MTOR: variants seen among roughly 807,000 people sequenced by gnomAD.
The protein encoded by MTOR is serine/threonine-protein kinase mTOR.
In MTOR, 70 loss-of-function variants were observed where a neutral mutation model predicts 319.8. That is an observed-to-expected ratio of 0.22 (90% CI 0.18 to 0.27). The LOEUF (loss-of-function observed/expected upper bound fraction) is 0.27, where lower values mean the gene tolerates loss of function less well. MTOR is among the 10% of genes least tolerant of loss of function. MTOR has a pLI of 1.00. For missense variants in MTOR, 1,890 were observed against 3,274.4 expected, an observed-to-expected ratio of 0.58 and a Z score of 10.32; for synonymous variants, 1,183 against 1,211.4, an observed-to-expected ratio of 0.98 and a Z score of 0.49.
chr1:11,231,013 G>A lies in MTOR; in HGVS notation c.2691C>T (p.Tyr897=), dbSNP rs2100866252. The A allele has an allele frequency of 6.2e-7, 1 of 1,614,118 alleles. No individual in the cohort carries two copies. Among genetic ancestry groups the A allele is most frequent in the Non-Finnish European group, 8.5e-7 (1 of 1,180,014 alleles). Reference sequence around the variant, plus strand: ...TCATGCCAATGTTCACTTTGTGCTTGTAAGGATCCAAAGCCCCTAAAAGCC... The same window carrying A: ...TCATGCCAATGTTCACTTTGTGCTTATAAGGATCCAAAGCCCCTAAAAGCC... ...VLGLLGALDP[Y]KHKVNIGMID... is the part of the protein sequence containing the mutation. Residue 897 remains tyrosine, a synonymous_variant, in exon 18 of 58, where the codon TAC becomes TAT. Coordinates refer to ENST00000361445, the MANE Select transcript of MTOR (RefSeq NM_004958.4).
chr1:11,210,780 AGGGACT>A, intron 24 of MTOR, 28 bp downstream of exon 24: 2 of 1,454,298 alleles, frequency 1.4e-6, no homozygotes. Context: ...TAAAGACAAC[AGGGACT>A]TCAGAACAGA....
chr1:11,142,303 T>A (rs939811927), intron 34 of MTOR, among the ~76,000 whole-genome samples: 2 of 152,026 alleles, frequency 1.3e-5, no homozygotes, highest in African/African-American at 2.4e-5. Flanking sequence ...CTCCTTTTTT[T>A]TTGGAGATGG....
At chr1:11,218,412 A>T (rs1646548940) in intron 19 of MTOR, among the ~76,000 whole-genome samples, 1 of 151,944 alleles carries the variant, frequency 6.6e-6, no homozygotes, top group African/African-American at 2.4e-5. Flanking sequence ...CCTGGGCGAC[A>T]GGGCGAGACT....
intron 30 of MTOR, among the ~76,000 whole-genome samples, chr1:11,151,580 G>A (rs72871462): frequency 0.059 from 8,996 of 152,310 alleles, 377 homozygotes; most frequent in South Asian, 0.12. Flanking sequence ...ACTCAGTAGT[G>A]CTGGGATAGG....
At chr1:11,258,003 G>A (rs112873710) in intron 3 of MTOR, among the ~76,000 whole-genome samples, 5 of 152,048 alleles carry the variant, frequency 3.3e-5, no homozygotes, top group African/African-American at 4.8e-5. Flanking sequence ...CCAGCTACTC[G>A]GGAGGCTGAG....
At chr1:11,126,345 A>G (rs1642836781) in intron 46 of MTOR, among the ~76,000 whole-genome samples, 1 of 152,102 alleles carries the variant, frequency 6.6e-6, no homozygotes, top group African/African-American at 2.4e-5. Flanking sequence ...AGTCTCCAAC[A>G]CCTGCCTTCC....
intron 8 of MTOR, 137 bp downstream of exon 8, chr1:11,247,488 T>C (rs955035207): frequency 1.8e-5 from 13 of 727,092 alleles, no homozygotes; most frequent in South Asian, 5.3e-5. Context: ...CTAAATAGCA[T>C]TGAAATTGGA....
intron 49 of MTOR, among the ~76,000 whole-genome samples, chr1:11,117,315 C>T (rs1426125453): frequency 6.6e-6 from 1 of 152,130 alleles, no homozygotes; most frequent in Admixed American, 6.5e-5. Context: ...CACCCGCCAC[C>T]ATGCCCAGCT....
Position 11,167,423 on chromosome 1 carries a change from A to G in MTOR, c.4329+19T>C. 3.1e-6 allele frequency: 5 copies of G among 1,610,166 alleles called. No homozygotes were observed. The highest frequency in any genetic ancestry group is 1.3e-5 in the African/African-American group (1 of 74,928). ...CAAGTCTCTACCTCCTGCTTTTCCAAAAAGAATGAGGTGCTTACCAGCTCT... is the reference window on the plus strand; with the variant it reads ...CAAGTCTCTACCTCCTGCTTTTCCAGAAAGAATGAGGTGCTTACCAGCTCT... On this transcript the variant is annotated intron_variant, in intron 29 of 57. Coordinates refer to ENST00000361445, the MANE Select transcript of MTOR (RefSeq NM_004958.4).
Position 11,241,685 on chromosome 1 carries a change from T to A in MTOR, c.1413-4A>T, listed in dbSNP as rs773756865. The A allele has an allele frequency of 2.5e-6, 4 of 1,610,856 alleles. No individual in the cohort carries two copies. In the African/African-American group the frequency reaches 5.3e-5, roughly 22 times the overall value. On this transcript the variant is annotated splice_region_variant and splice_polypyrimidine_tract_variant and intron_variant, in intron 9 of 57. Coordinates refer to ENST00000361445, the MANE Select transcript of MTOR (RefSeq NM_004958.4). Reference sequence around the variant, plus strand: ...CACCTGCATTGCCTTCTGCCTCCTGTAGAGAAATGGAGAGTGGCTAGTTGA... The same window carrying A: ...CACCTGCATTGCCTTCTGCCTCCTGAAGAGAAATGGAGAGTGGCTAGTTGA...
rs6692622 is a variant in MTOR at position 11,199,794 on chromosome 1, C to T, written c.3945-91G>A. 1 of 1,429,672 alleles carries T rather than the reference C, an allele frequency of 7.0e-7. No homozygotes were observed. The highest frequency in any genetic ancestry group is 1.4e-5 in the African/African-American group (1 of 71,588). The allele number at this position is 1,429,672 out of a possible 1,614,324, so 88.6% of individuals were successfully genotyped here. ...ACCTATCAATTCGCTTTTGGCATCA[C>T]TGATTTTGGTTATACAAACCAGTGC... On this transcript the variant is annotated intron_variant, in intron 26 of 57. Transcript: ENST00000361445. The surrounding 1 kb of genome is among the most constrained non-coding windows in gnomAD (Gnocchi z 4.5).
chr1:11,118,228 ATTTTTTTTTTTTTT>A (rs771785403), intron 49 of MTOR, among the ~76,000 whole-genome samples: 2,279 of 120,772 alleles, frequency 0.019, 41 homozygotes, highest in Non-Finnish European at 0.028. Flanking sequence ...AACTTAGTTA[ATTTTTTTTTTTTTT>A]TTTTTTTTTT....
chr1:11,259,894 C>T (rs1455851195), intron 1 of MTOR, among the ~76,000 whole-genome samples: 1 of 152,168 alleles, frequency 6.6e-6, no homozygotes, highest in Non-Finnish European at 1.5e-5. Context: ...CCTGCCACTG[C>T]ACTGTCTCAA....
At chr1:11,236,263 A>T (rs1647220573) in intron 13 of MTOR, among the ~76,000 whole-genome samples, 1 of 150,590 alleles carries the variant, frequency 6.6e-6, no homozygotes, top group Admixed American at 6.6e-5. Flanking sequence ...CAGCCTCCTG[A>T]GTAGCTAGGA....
At chr1:11,174,415 AT>A (rs1373687077) in intron 28 of MTOR, among the ~76,000 whole-genome samples, 1 of 152,054 alleles carries the variant, frequency 6.6e-6, no homozygotes, top group East Asian at 1.9e-4. Flanking sequence ...CCCATCTCAC[AT>A]TTTTTATTTC....
In MTOR at chr1:11,231,094, AC is replaced by A. The variant is rs753474117; in HGVS notation, c.2650-41del. 26 of 1,613,860 alleles carry A rather than the reference AC, an allele frequency of 1.6e-5. No individual in the cohort carries two copies. In the Admixed American group the frequency reaches 4.2e-4, roughly 26 times the overall value. ...GGAGGGAAAAAAGAAAACATTCATC[AC>A]AACATGATTACAACAAGTATCACGG... On this transcript the variant is annotated intron_variant, in intron 17 of 57. Coordinates refer to ENST00000361445, the MANE Select transcript of MTOR (RefSeq NM_004958.4).
intron 28 of MTOR, among the ~76,000 whole-genome samples, chr1:11,184,727 T>C (rs909186525): frequency 6.6e-6 from 1 of 151,888 alleles, no homozygotes; most frequent in Admixed American, 6.6e-5. Flanking sequence ...AATGAGACTA[T>C]GTCTCTAAAA....
intron 10 of MTOR, 98 bp downstream of exon 10, chr1:11,241,455 G>T: frequency 7.0e-7 from 1 of 1,425,902 alleles, no homozygotes; most frequent in Non-Finnish European, 9.4e-7. Flanking sequence ...CCATCCAGTT[G>T]AATGTGCAAA....
rs573466361 is a variant in MTOR at position 11,213,415 on chromosome 1, C to G, written c.3269G>C (p.Arg1090Pro). Residue 1090 changes from arginine to proline, a missense_variant, in exon 21 of 58, where the codon CGC (arginine) becomes CCC (proline). Transcript: ENST00000361445. The stretch of plus-strand genomic sequence containing the variant: ...GCTACTCACCTTGATAGAGACAATG[C>G]GGCCTGGGCTGTTGTCATGCATGAA... ...RVFMHDNSPG[R>P]IVSIKLLAAI... The G allele has an allele frequency of 3.1e-6, 5 of 1,611,896 alleles. No homozygotes were observed. The highest frequency in any genetic ancestry group is 1.1e-5 in the South Asian group (1 of 90,932).
Sources: gnomAD v4.1 joint callset for allele counts (sites outside exome capture counted in the v4.1 genomes callset) on GRCh38, gnomAD v4.1.1 for gene constraint, Gnocchi (gnomAD v3.1) non-coding constraint, MANE v1.5 for transcripts, NCBI Gene and HGNC (gene_info 2026-07-23, HGNC 2026-07-21) for gene names.